Variants in CDH4 observed in about 807,000 individuals in gnomAD.
CDH4 encodes the protein cadherin-4.
Under a neutral mutation model 86.0 loss-of-function variants are expected in CDH4, and 33 were observed. The observed-to-expected ratio is 0.38, with a 90% CI of 0.29 to 0.51. CDH4 has a LOEUF of 0.51. Ranked by LOEUF, CDH4 falls within the 20% of genes least tolerant of loss-of-function variation. CDH4 has a pLI of 0.86. For missense variants in CDH4, 1,114 were observed against 1,307.4 expected (o/e 0.85, Z 2.28); for synonymous variants, 555 against 549.4 (o/e 1.01, Z -0.14).
At chr20:61,420,860 C>T (rs1892315) in intron 2 of CDH4, among the ~76,000 whole-genome samples, 38,871 of 151,904 alleles carry the variant, frequency 0.26, 5,542 homozygotes, top group East Asian at 0.56. Context: ...CAGGTGTCCA[C>T]GCACAGTGCA....
chr20:61,540,758 T>C (rs1346387452), intron 2 of CDH4, among the ~76,000 whole-genome samples: 1 of 152,170 alleles, frequency 6.6e-6, no homozygotes, highest in Admixed American at 6.5e-5. Flanking sequence ...TGCCAGTTTC[T>C]TCCATGCAGC....
At chr20:61,487,124 G>GTGT (rs1361260831) in intron 2 of CDH4, among the ~76,000 whole-genome samples, 1 of 152,192 alleles carries the variant, frequency 6.6e-6, no homozygotes, top group Non-Finnish European at 1.5e-5. Flanking sequence ...TTTGGGAAGG[G>GTGT]TGTAAGGTCT....
chr20:61,781,995 A>G (rs1978570904), intron 4 of CDH4, among the ~76,000 whole-genome samples: 1 of 152,230 alleles, frequency 6.6e-6, no homozygotes, highest in South Asian at 2.1e-4. Flanking sequence ...TTTTATATCC[A>G]GAAAAAATAT....
At chr20:61,686,216 A>C (rs184824125) in intron 2 of CDH4, among the ~76,000 whole-genome samples, 7 of 152,378 alleles carry the variant, frequency 4.6e-5, no homozygotes, top group East Asian at 1.9e-4. Context: ...TGCTAATCTG[A>C]TGACAGTTGG....
Position 61,417,692 on chromosome 20 carries a change from C to T in CDH4, c.169+162755C>T, listed in dbSNP as rs753886258. Among the ~76,000 whole-genome samples the T allele has an allele frequency of 3.4e-4, 51 of 152,192 alleles. No individual in the cohort carries two copies. Among genetic ancestry groups the T allele is most frequent in the Non-Finnish European group, 2.1e-4 (14 of 68,048 alleles). On this transcript the variant is annotated intron_variant, in intron 2 of 15. Coordinates refer to ENST00000614565, the MANE Select transcript of CDH4 (RefSeq NM_001794.5). This position sits in a 1 kb window ranked among gnomAD's most constrained non-coding sequence, Gnocchi z 4.0. ...CTCTCAGAACATGCATTTCTCCTGA[C>T]TTGTATTACTCATTTTACGGCTGGA...
chr20:61,719,234 A>G (rs920812289), intron 2 of CDH4: 22 of 406,142 alleles, frequency 5.4e-5, no homozygotes, highest in African/African-American at 4.6e-4. Context: ...TTGCTAATAC[A>G]GAGAAGGATG....
chr20:61,254,589 C>A (rs1195858557), intron 1 of CDH4, among the ~76,000 whole-genome samples: 2 of 152,214 alleles, frequency 1.3e-5, no homozygotes, highest in East Asian at 3.9e-4. Flanking sequence ...CCTTCACTCC[C>A]TGCCTGCTGT....
At chr20:61,760,108 C>T (rs1003307924) in intron 3 of CDH4, among the ~76,000 whole-genome samples, 1 of 152,008 alleles carries the variant, frequency 6.6e-6, no homozygotes, top group African/African-American at 2.4e-5. Flanking sequence ...GCTCTCTTGT[C>T]AGCCACAATT....
At chr20:61,419,661 C>G (rs1342975236) in intron 2 of CDH4, among the ~76,000 whole-genome samples, 3 of 151,456 alleles carry the variant, frequency 2.0e-5, no homozygotes, top group Non-Finnish European at 4.4e-5. Context: ...CTCTCTCTTC[C>G]CCCAAAGCCA....
chr20:61,507,122 G>A (rs942524036), intron 2 of CDH4, among the ~76,000 whole-genome samples: 3 of 152,196 alleles, frequency 2.0e-5, no homozygotes, highest in African/African-American at 7.2e-5. Context: ...GCAGAATGTA[G>A]TTTCTTGAGT....
At chr20:61,929,933 G>T in intron 13 of CDH4, 91 bp downstream of exon 13, 1 of 972,696 alleles carries the variant, frequency 1.0e-6, no homozygotes, top group Non-Finnish European at 1.6e-6. Context: ...GCCTGGATTT[G>T]CCCCTCAGCC....
intron 2 of CDH4, among the ~76,000 whole-genome samples, chr20:61,440,604 A>G (rs1175216629): frequency 6.6e-6 from 1 of 152,212 alleles, no homozygotes; most frequent in Non-Finnish European, 1.5e-5. Context: ...TAAAATTTCA[A>G]CCCTGGTTTT....
chr20:61,935,055 C>T (rs550117154), intron 15 of CDH4, among the ~76,000 whole-genome samples: 3 of 152,340 alleles, frequency 2.0e-5, no homozygotes, highest in South Asian at 2.1e-4. Flanking sequence ...TCCCAGGGAG[C>T]GTCCTCCGGG....
intron 2 of CDH4, among the ~76,000 whole-genome samples, chr20:61,597,322 C>T (rs1884225): frequency 0.74 from 112,951 of 152,144 alleles, 41,884 homozygotes; most frequent in East Asian, 0.8. Context: ...CTCTGTGCCC[C>T]CTGCGCTCCT....
intron 6 of CDH4, among the ~76,000 whole-genome samples, chr20:61,872,553 C>T (rs1234954242): frequency 2.6e-5 from 4 of 152,206 alleles, no homozygotes; most frequent in South Asian, 2.1e-4. Context: ...GGAGGCACTG[C>T]ACAGGTAGAG....
chr20:61,626,649 G>A lies in CDH4; in HGVS notation c.170-116914G>A, dbSNP rs570881454. On this transcript the variant is annotated intron_variant, in intron 2 of 15. Coordinates refer to ENST00000614565, the MANE Select transcript of CDH4 (RefSeq NM_001794.5). ...TTCCACGCCCGGGCTTAGCTAACGTGGGCAGCAGGTCTGCTTCTGCACCCA... is the reference window on the plus strand; with the variant it reads ...TTCCACGCCCGGGCTTAGCTAACGTAGGCAGCAGGTCTGCTTCTGCACCCA... Among the ~76,000 whole-genome samples, 178 of 152,276 alleles carry A rather than the reference G, an allele frequency of 1.2e-3. 1 individual carries two copies. The highest frequency in any genetic ancestry group is 1.0e-2 in the South Asian group (48 of 4,818).
At chr20:61,462,669 TC>T (rs1417362930) in intron 2 of CDH4, among the ~76,000 whole-genome samples, 3 of 151,844 alleles carry the variant, frequency 2.0e-5, no homozygotes, top group Admixed American at 2.0e-4. Context: ...TCATTGGGGC[TC>T]CCCCCTCTCC....
At chr20:61,596,586 G>A (rs1267717140) in intron 2 of CDH4, among the ~76,000 whole-genome samples, 1 of 152,208 alleles carries the variant, frequency 6.6e-6, no homozygotes, top group Non-Finnish European at 1.5e-5. Flanking sequence ...CACCCTGGCT[G>A]TAATAGAAAC....
chr20:61,556,065 C>G (rs545089893), intron 2 of CDH4, among the ~76,000 whole-genome samples: 18 of 152,282 alleles, frequency 1.2e-4, no homozygotes, highest in African/African-American at 4.1e-4. Flanking sequence ...TGGTGTACCC[C>G]CCATGTGGGA....
Sources: gnomAD v4.1 joint callset for allele counts (sites outside exome capture counted in the v4.1 genomes callset) on GRCh38, gnomAD v4.1.1 for gene constraint, Gnocchi (gnomAD v3.1) non-coding constraint, MANE v1.5 for transcripts, NCBI Gene and HGNC (gene_info 2026-07-23, HGNC 2026-07-21) for gene names.